The following SP1 variants were observed in gnomAD, a reference collection of about 807,000 sequenced individuals.
The protein encoded by SP1 is Sp1 transcription factor.
SP1 carries 6 observed loss-of-function variants against 66.3 expected under a neutral mutation model. The observed-to-expected ratio is 0.09, with a 90% CI of 0.05 to 0.18. The LOEUF is 0.18. SP1 is among the 10% of genes least tolerant of loss of function. SP1 has a pLI of 1.00. For synonymous variants in SP1, 417 were observed against 360.8 expected (o/e 1.16, Z -1.77); for missense variants, 848 against 964.5 (o/e 0.88, Z 1.60).
chr12:53,407,331 A>ATT (rs796124729), intron 4 of SP1, among the ~76,000 whole-genome samples: 4 of 133,320 alleles, frequency 3.0e-5, no homozygotes, highest in African/African-American at 1.0e-4. Context: ...AAAAAAAAAA[A>ATT]TTTTTTTTTT....
intron 3 of SP1, among the ~76,000 whole-genome samples, chr12:53,401,512 C>T (rs1036535467): frequency 5.5e-5 from 8 of 146,164 alleles, no homozygotes; most frequent in African/African-American, 1.3e-4. Context: ...ATGCACACAA[C>T]GAGCAATGAT....
In SP1 at chr12:53,406,568, T is replaced by C. The variant is rs1343359050; in HGVS notation, c.1676-17T>C. 6 of 1,612,146 alleles carry C rather than the reference T, an allele frequency of 3.7e-6. No homozygotes were observed. Among genetic ancestry groups the C allele is most frequent in the African/African-American group, 1.3e-5 (1 of 74,872 alleles). On this transcript the variant is annotated splice_polypyrimidine_tract_variant and intron_variant, in intron 3 of 5. Transcript: ENST00000327443. ...CTGCCCATGTCACATGTTGACCCTT[T>C]TCTCTCTTAATTTCAGGTGATCATG...
intron 3 of SP1, among the ~76,000 whole-genome samples, chr12:53,393,572 C>T (rs1253424712): frequency 4.7e-5 from 7 of 149,680 alleles, no homozygotes; most frequent in Non-Finnish European, 8.9e-5. Flanking sequence ...TGTGAGCCAC[C>T]GCATCTGGAC....
intron 3 of SP1, among the ~76,000 whole-genome samples, chr12:53,395,266 C>T (rs536259644): frequency 1.4e-4 from 22 of 152,152 alleles, no homozygotes; most frequent in African/African-American, 3.6e-4. Flanking sequence ...CTTGAATCTG[C>T]GAGGTGGAAT....
chr12:53,409,308 G>A (rs1938826840), intron 4 of SP1, 54 bp from the exon 5 acceptor site: 2 of 1,435,152 alleles, frequency 1.4e-6, no homozygotes, highest in South Asian at 1.2e-5. Flanking sequence ...GATACTTTGT[G>A]GTTCTTTAGT....
chr12:53,405,974 T>C (rs1283979131), intron 3 of SP1, among the ~76,000 whole-genome samples: 1 of 140,732 alleles, frequency 7.1e-6, no homozygotes, highest in Non-Finnish European at 1.5e-5. Flanking sequence ...TGTGCACATG[T>C]ACCGTAAAAC....
chr12:53,406,190 C>T (rs1230425409), intron 3 of SP1, among the ~76,000 whole-genome samples: 2 of 151,066 alleles, frequency 1.3e-5, no homozygotes, highest in African/African-American at 4.9e-5. Context: ...CCTGGCTCAG[C>T]CTTCCAAGGA....
intron 3 of SP1, among the ~76,000 whole-genome samples, chr12:53,387,960 T>A (rs1938267126): frequency 6.6e-6 from 1 of 151,878 alleles, no homozygotes; most frequent in Non-Finnish European, 1.5e-5. Context: ...CACTCCAGCC[T>A]GGGTGACAGA....
In SP1 at chr12:53,413,534, A is replaced by G. The variant is rs562720814; in HGVS notation, c.*2294A>G. On this transcript the variant is annotated 3_prime_UTR_variant, in exon 6 of 6. Transcript: ENST00000327443. The stretch of plus-strand genomic sequence containing the variant: ...TCTCCACAGATGTAATTATGTTTTC[A>G]ACTCAGGAACTATGGCAAGGAACTT... 6.5e-6 allele frequency: 1 copy of G among 152,756 alleles called. No individual in the cohort carries two copies. Among genetic ancestry groups the G allele is most frequent in the African/African-American group, 2.4e-5 (1 of 41,580 alleles). The allele number at this position is 152,756 out of a possible 1,614,324, so 9.5% of individuals were successfully genotyped here.
In SP1 at chr12:53,413,498, A is replaced by T. The variant is rs1039758579; in HGVS notation, c.*2258A>T. ...AATACTCTAAACAATAGTTCACTCC[A>T]TTTGGTCCTTTCTCCACAGATGTAA... On this transcript the variant is annotated 3_prime_UTR_variant, in exon 6 of 6. Transcript: ENST00000327443. The T allele has an allele frequency of 6.6e-6, 1 of 152,600 alleles. No homozygotes were observed. Among genetic ancestry groups the T allele is most frequent in the Non-Finnish European group, 1.5e-5 (1 of 68,016 alleles). The allele number at this position is 152,600 out of a possible 1,614,324, so 9.5% of individuals were successfully genotyped here.
chr12:53,405,822 C>G (rs764795021), intron 3 of SP1, among the ~76,000 whole-genome samples: 5 of 152,020 alleles, frequency 3.3e-5, no homozygotes, highest in Non-Finnish European at 7.4e-5. Flanking sequence ...TGAAAAATTA[C>G]AAATGCGTTA....
chr12:53,382,423 A>C lies in SP1; in HGVS notation c.476A>C (p.Gln159Pro), dbSNP rs773103154. The C allele has an allele frequency of 6.2e-7, 1 of 1,614,190 alleles. No homozygotes were observed. Among genetic ancestry groups the C allele is most frequent in the South Asian group, 1.1e-5 (1 of 91,082 alleles). ...GCCGCTCCCAACTTACAGAACCAGC[A>C]AGTTCTGACAGGACTACCTGGAGTG... Reference protein sequence around the residue: ...VAAAPNLQNQQVLTGLPGVMP... With the variant: ...VAAAPNLQNQPVLTGLPGVMP... Residue 159 changes from glutamine to proline, a missense_variant, in exon 3 of 6, where the codon CAA becomes CCA. By Grantham distance (76) the Gln-to-Pro change is moderately conservative. Transcript: ENST00000327443.
At chr12:53,408,721 A>G (rs1191119712) in intron 4 of SP1, among the ~76,000 whole-genome samples, 1 of 149,762 alleles carries the variant, frequency 6.7e-6, no homozygotes, top group Non-Finnish European at 1.5e-5. Context: ...CCTGGCTAAC[A>G]TGGTGAAACC....
In SP1 at chr12:53,411,140, C is replaced by A; in HGVS notation, c.2258C>A (p.Ala753Asp). 6.2e-7 allele frequency: 1 copy of A among 1,614,168 alleles called. No homozygotes were observed. Among genetic ancestry groups the A allele is most frequent in the Non-Finnish European group, 8.5e-7 (1 of 1,180,012 alleles). The change falls in exon 6 of 6, where the codon GCC becomes GAC. Residue 753 changes from alanine (A) to aspartate (D), a missense_variant. By Grantham distance (126) the Ala-to-Asp change is moderately radical. This residue lies in a region of SP1 where 73 missense variants were observed against 91.9 expected (regional missense o/e 0.79). Coordinates refer to ENST00000327443, the MANE Select transcript of SP1 (RefSeq NM_138473.3). ...LITTNMVAMEAICPEGIARLA... is the reference protein window; with the variant it reads ...LITTNMVAMEDICPEGIARLA... ...ACCACCAATATGGTAGCCATGGAGG[C>A]CATCTGTCCAGAGGGCATTGCCCGT...
chr12:53,380,617 G>T (rs1938065023), intron 1 of SP1: 9 of 1,010,912 alleles, frequency 8.9e-6, no homozygotes, highest in Non-Finnish European at 1.1e-5. Context: ...CCGGGGGCTG[G>T]AGCCGCGGGG....
At chr12:53,399,220 T>C (rs1938553098) in intron 3 of SP1, among the ~76,000 whole-genome samples, 2 of 152,230 alleles carry the variant, frequency 1.3e-5, no homozygotes, top group Admixed American at 1.3e-4. Flanking sequence ...AACATCCTTA[T>C]CAAATATTTG....
rs148567126 is a variant in SP1 at position 53,382,727 on chromosome 12, G to A, written c.780G>A (p.Leu260=). The A allele has an allele frequency of 2.0e-5, 33 of 1,614,044 alleles. No individual in the cohort carries two copies. Among genetic ancestry groups the A allele is most frequent in the Non-Finnish European group, 2.7e-5 (32 of 1,180,038 alleles). ...TQYVTNVPVA[L]NGNITLLPVN... ...ATGTGACCAATGTACCAGTGGCCCT[G>A]AATGGGAACATCACCTTGCTACCTG... The change falls in exon 3 of 6, where the codon CTG becomes CTA. Residue 260 remains leucine (L), a synonymous_variant. Coordinates refer to ENST00000327443, the MANE Select transcript of SP1 (RefSeq NM_138473.3).
chr12:53,409,584 G>A, intron 5 of SP1, 23 bp downstream of exon 5: 2 of 1,580,004 alleles, frequency 1.3e-6, no homozygotes, highest in South Asian at 2.2e-5. Context: ...CTATGGGAGA[G>A]AAAAATAGTA....
In SP1 at chr12:53,411,091, A is replaced by G. The variant is rs3741665; in HGVS notation, c.2209A>G (p.Thr737Ala). ...DSGAGSEGSG[T>A]ATPSALITTN... Reference sequence around the variant, plus strand: ...TGGGGCAGGTTCAGAAGGCAGTGGCACTGCCACTCCTTCAGCCCTTATTAC... The same window carrying G: ...TGGGGCAGGTTCAGAAGGCAGTGGCGCTGCCACTCCTTCAGCCCTTATTAC... The change falls in exon 6 of 6, where the codon ACT (threonine) becomes GCT (alanine). Residue 737 changes from threonine to alanine, a missense_variant. This residue lies in a region of SP1 where 73 missense variants were observed against 91.9 expected (regional missense o/e 0.79). Coordinates refer to ENST00000327443, the MANE Select transcript of SP1 (RefSeq NM_138473.3). The G allele has an allele frequency of 2.2e-4, 353 of 1,614,212 alleles. 4 individuals carry two copies. The East Asian group carries it at 7.4e-3, about 34-fold the overall frequency.
Sources: allele counts gnomAD v4.1 joint callset (sites outside exome capture counted in the v4.1 genomes callset), GRCh38; gene constraint gnomAD v4.1.1; regional missense constraint gnomAD v4.1.1; transcripts MANE v1.5; gene names NCBI Gene and HGNC (gene_info 2026-07-23, HGNC 2026-07-21).